The following FMN1 variants were observed in gnomAD, a reference collection of about 807,000 sequenced individuals.
The protein encoded by FMN1 is formin 1, also known as formin-1.
A neutral mutation model predicts 132.4 loss-of-function variants in FMN1; 110 were observed. The observed-to-expected ratio is 0.83, with a 90% CI of 0.71 to 0.97. The LOEUF (loss-of-function observed/expected upper bound fraction) is 0.97. FMN1 is among the 50% of genes least tolerant of loss of function. FMN1 has a pLI of 0.00. For synonymous variants in FMN1, 722 were observed against 651.7 expected (o/e 1.11, Z -1.64); for missense variants, 1,792 against 1,705.3 (o/e 1.05, Z -0.90).
chr15:33,020,331 C>T (rs1004761512), intron 6 of FMN1, among the ~76,000 whole-genome samples: 1 of 148,316 alleles, frequency 6.7e-6, no homozygotes, highest in Non-Finnish European at 1.5e-5. Context: ...ACCCCCCCAA[C>T]CCCCCCACCA....
intron 9 of FMN1, among the ~76,000 whole-genome samples, chr15:32,957,650 A>T (rs1032819888): frequency 1.3e-5 from 2 of 152,184 alleles, no homozygotes; most frequent in Non-Finnish European, 2.9e-5. Flanking sequence ...CTTGGGAATC[A>T]AAGATGTTTA....
intron 5 of FMN1, among the ~76,000 whole-genome samples, chr15:33,071,214 C>T (rs2037985908): frequency 6.6e-6 from 1 of 152,134 alleles, no homozygotes; most frequent in African/African-American, 2.4e-5. Flanking sequence ...TTTTCTTTTG[C>T]ATAACTTGGG....
At chr15:33,108,015 G>A (rs1255437629) in intron 4 of FMN1, among the ~76,000 whole-genome samples, 1 of 152,076 alleles carries the variant, frequency 6.6e-6, no homozygotes, top group South Asian at 2.1e-4. Flanking sequence ...TTGGGAGTGA[G>A]GGACTAGAAT....
At position 32,774,230 on chromosome 15, in the gene FMN1, G is replaced by A. The variant is rs2140855884; in HGVS notation, c.*80C>T. 1.0e-5 allele frequency: 11 copies of A among 1,096,880 alleles called. No individual in the cohort carries two copies. Among genetic ancestry groups the A allele is most frequent in the East Asian group, 1.0e-4 (4 of 39,950 alleles). 67.9% of individuals were successfully genotyped at this position (1,096,880 alleles called of 1,614,324 possible). A position where few individuals can be genotyped will look rare whatever the true frequency, so the allele number is the denominator to read the frequency against. ...ATTTAGTGACACATCTTTCAAGAAC[G>A]TCCTGCAACCCTGTGGTCACAAAGA... On this transcript the variant is annotated 3_prime_UTR_variant, in exon 21 of 21. Transcript: ENST00000616417.
chr15:32,926,316 T>C, intron 9 of FMN1, 55 bp from the exon 10 acceptor site: 1 of 1,003,792 alleles, frequency 1.0e-6, no homozygotes, highest in South Asian at 1.6e-5. Context: ...ATGCAGTCTT[T>C]CAGGACGCAC....
At chr15:33,116,671 T>C (rs2039937961) in intron 4 of FMN1, among the ~76,000 whole-genome samples, 1 of 152,078 alleles carries the variant, frequency 6.6e-6, no homozygotes, top group Non-Finnish European at 1.5e-5. Flanking sequence ...AAACTGCCTG[T>C]GATAAAGCAG....
rs1273250586 is a variant in FMN1, at chr15:32,765,921, AT to A, written c.*8388del. ...ACATTTATAAATTCAACTCATGAGC[AT>A]TTCTCAGCTTTGACAAAATTAAATA... is the stretch of plus-strand genomic sequence containing the variant. On this transcript the variant is annotated 3_prime_UTR_variant, in exon 21 of 21. Coordinates refer to ENST00000616417, the MANE Select transcript of FMN1 (RefSeq NM_001277313.2). The A allele has an allele frequency of 1.3e-5, 2 of 151,922 alleles. No homozygotes were observed. Among genetic ancestry groups the A allele is most frequent in the Non-Finnish European group, 2.9e-5 (2 of 67,950 alleles). The allele number at this position is 151,922 out of a possible 1,614,324, so 9.4% of individuals were successfully genotyped here.
At chr15:33,037,917 A>G (rs886429288) in intron 6 of FMN1, among the ~76,000 whole-genome samples, 7 of 152,226 alleles carry the variant, frequency 4.6e-5, no homozygotes, top group Admixed American at 1.3e-4. Context: ...GTTTATGAAT[A>G]CTGATACCTT....
intron 2 of FMN1, among the ~76,000 whole-genome samples, chr15:33,188,762 G>A (rs1965976510): frequency 6.6e-6 from 1 of 152,130 alleles, no homozygotes; most frequent in Non-Finnish European, 1.5e-5. Flanking sequence ...AGGCTGCAGG[G>A]CTGTTACTTC....
At position 32,766,762 on chromosome 15, in the gene FMN1, C is replaced by A. The variant is rs2204722; in HGVS notation, c.*7548G>T. 0.71 allele frequency: 107,949 copies of A among 151,722 alleles called. 38,419 individuals are homozygous for A. Among genetic ancestry groups the A allele is most frequent in the Admixed American group, 0.76 (11,626 of 15,254 alleles). 9.4% of individuals were successfully genotyped at this position (151,722 alleles called of 1,614,324 possible). ...GAGGATGGAGGAGGGGCCAAGGGAG[C>A]TACTCAGTTGTCTATGATGCAGAGG... On this transcript the variant is annotated 3_prime_UTR_variant, in exon 21 of 21. Coordinates refer to ENST00000616417, the MANE Select transcript of FMN1 (RefSeq NM_001277313.2).
At chr15:33,126,895 T>G (rs1963135096) in intron 4 of FMN1, among the ~76,000 whole-genome samples, 1 of 152,140 alleles carries the variant, frequency 6.6e-6, no homozygotes, top group Non-Finnish European at 1.5e-5. Context: ...GCTGTATAAC[T>G]GCAAAGTGGG....
At chr15:33,068,163 G>A in intron 5 of FMN1, 1 of 471,438 alleles carries the variant, frequency 2.1e-6, no homozygotes, top group Non-Finnish European at 3.3e-6. Context: ...GGACCAGGGA[G>A]GCTGCTCTTC....
intron 4 of FMN1, among the ~76,000 whole-genome samples, chr15:33,112,281 G>A (rs1476912871): frequency 1.0e-5 from 1 of 100,166 alleles, no homozygotes; most frequent in Non-Finnish European, 1.9e-5. Context: ...ATGTTAGGTG[G>A]CAGTGCATAA....
At chr15:32,963,622 C>G (rs987883789) in intron 9 of FMN1, among the ~76,000 whole-genome samples, 2 of 151,992 alleles carry the variant, frequency 1.3e-5, no homozygotes, top group African/African-American at 2.4e-5. Context: ...GGAACAAATG[C>G]CTAGCATGGT....
intron 4 of FMN1, among the ~76,000 whole-genome samples, chr15:33,107,223 A>G (rs1256737704): frequency 2.6e-5 from 4 of 151,772 alleles, no homozygotes; most frequent in Admixed American, 1.3e-4. Flanking sequence ...AAATCTGATC[A>G]CTTCACACAT....
At chr15:32,903,607 G>A (rs2060349114) in intron 12 of FMN1, among the ~76,000 whole-genome samples, 1 of 152,200 alleles carries the variant, frequency 6.6e-6, no homozygotes, top group African/African-American at 2.4e-5. Context: ...ATCACAGTGA[G>A]CGAAGCAGTT....
At chr15:33,069,589 T>C (rs186317076) in intron 5 of FMN1, among the ~76,000 whole-genome samples, 34 of 152,322 alleles carry the variant, frequency 2.2e-4, no homozygotes, top group Admixed American at 2.1e-3. Context: ...GCCATGTTCT[T>C]CAGTACTAAA....
At chr15:33,088,211 A>T (rs1026650302) in intron 5 of FMN1, among the ~76,000 whole-genome samples, 1 of 152,128 alleles carries the variant, frequency 6.6e-6, no homozygotes, top group Non-Finnish European at 1.5e-5. Context: ...TATTGAAATT[A>T]AAAAAATTTA....
chr15:32,848,974 T>C (rs1399449584), intron 17 of FMN1, among the ~76,000 whole-genome samples: 1 of 103,852 alleles, frequency 9.6e-6, no homozygotes, highest in African/African-American at 5.4e-5. Flanking sequence ...TTAGTTCTCT[T>C]TTGTTTTTTT....
Sources: gnomAD v4.1 joint callset for allele counts (sites outside exome capture counted in the v4.1 genomes callset) on GRCh38, gnomAD v4.1.1 for gene constraint, MANE v1.5 for transcripts, NCBI Gene and HGNC (gene_info 2026-07-23, HGNC 2026-07-21) for gene names.